Variants in PLBD1 observed in about 807,000 individuals in gnomAD.
PLBD1 encodes the protein lysosomal leucine aminopeptidase.
Under a neutral mutation model 63.0 loss-of-function variants are expected in PLBD1, and 60 were observed. That is an observed-to-expected ratio of 0.95 (90% confidence interval 0.77 to 1.18). The LOEUF is 1.18. Among genes scored for constraint, PLBD1 ranks in the 50% most tolerant of loss-of-function variants. The pLI is 0.00. For missense variants in PLBD1, 598 were observed against 677.9 expected (o/e 0.88, Z 1.31); for synonymous variants, 262 against 248.0 (o/e 1.06, Z -0.53).
At position 14,506,214 on chromosome 12, in the gene PLBD1, C is replaced by T. The variant is rs149722587; in HGVS notation, c.1427G>A (p.Arg476His). 2.4e-5 allele frequency: 38 copies of T among 1,612,954 alleles called. No homozygotes were observed. The highest frequency in any genetic ancestry group is 7.7e-5 in the South Asian group (7 of 90,916). Residue 476 changes from arginine (R) to histidine (H), a missense_variant, in exon 10 of 11, where the codon CGT (arginine) becomes CAT (histidine). Physicochemically the swap from Arg to His is conservative, Grantham distance 29 (BLOSUM62 0). Coordinates refer to ENST00000240617, the MANE Select transcript of PLBD1 (RefSeq NM_024829.6). ...RGDPCNTICCREDLNSPNPSP... is the reference protein window; with the variant it reads ...RGDPCNTICCHEDLNSPNPSP... The stretch of plus-strand genomic sequence containing the variant: ...TGGGTTAGGTGAGTTCAGGTCCTCA[C>T]GGCAGCAGATGGTATTACAGGGGTC...
In PLBD1 at chr12:14,540,753, T is replaced by C. The variant is rs770517061; in HGVS notation, c.558+11A>G. On this transcript the variant is annotated intron_variant, in intron 4 of 10. Coordinates refer to ENST00000240617, the MANE Select transcript of PLBD1 (RefSeq NM_024829.6). ...CTCTATAAATTCTGAGAAGCTTGTTTAAAGTCCTACCTTTGTCCCTTCTAA... is the reference window on the plus strand; with the variant it reads ...CTCTATAAATTCTGAGAAGCTTGTTCAAAGTCCTACCTTTGTCCCTTCTAA... The C allele has an allele frequency of 7.1e-6, 11 of 1,552,978 alleles. No homozygotes were observed. The East Asian group carries it at 2.5e-4, about 35-fold the overall frequency.
chr12:14,517,043 A>C (rs1186422123), intron 6 of PLBD1, among the ~76,000 whole-genome samples: 1 of 151,174 alleles, frequency 6.6e-6, no homozygotes, highest in African/African-American at 2.4e-5. Context: ...CATCTCAAAC[A>C]AAAAAAAAGT....
At chr12:14,559,892 C>T (rs911348868) in intron 1 of PLBD1, among the ~76,000 whole-genome samples, 2 of 149,292 alleles carry the variant, frequency 1.3e-5, no homozygotes, top group African/African-American at 4.9e-5. Flanking sequence ...AGAGTTTTCG[C>T]TCTTATTGCC....
chr12:14,552,275 T>C (rs989073348), intron 2 of PLBD1, among the ~76,000 whole-genome samples: 1 of 152,206 alleles, frequency 6.6e-6, no homozygotes, highest in Non-Finnish European at 1.5e-5. Flanking sequence ...CAACTTTATT[T>C]TCCTTAAAGA....
Position 14,565,021 on chromosome 12 carries a change from T to C in PLBD1, c.115+2561A>G, listed in dbSNP as rs182508627. Among the ~76,000 whole-genome samples the C allele has an allele frequency of 2.1e-3, 326 of 152,324 alleles. 3 individuals are homozygous for C. Among genetic ancestry groups the C allele is most frequent in the African/African-American group, 7.5e-3 (310 of 41,566 alleles). On this transcript the variant is annotated intron_variant, in intron 1 of 10. Coordinates refer to ENST00000240617, the MANE Select transcript of PLBD1 (RefSeq NM_024829.6). The stretch of plus-strand genomic sequence containing the variant: ...TATAAGGACCTTCTAAAATCAATTA[T>C]GGGGCTTTTGGTCTGGAAAGATAAA...
intron 6 of PLBD1, among the ~76,000 whole-genome samples, chr12:14,534,644 C>A (rs927103196): frequency 6.6e-6 from 1 of 151,454 alleles, no homozygotes; most frequent in Non-Finnish European, 1.5e-5. Flanking sequence ...CCCGGGTTCA[C>A]GCCATTCTCT....
In PLBD1 at chr12:14,506,923, T is replaced by C. The variant is rs201174379; in HGVS notation, c.1372+10A>G. The C allele has an allele frequency of 7.5e-6, 12 of 1,605,008 alleles. No homozygotes were observed. Among genetic ancestry groups the C allele is most frequent in the Admixed American group, 6.7e-5 (4 of 59,506 alleles). On this transcript the variant is annotated intron_variant, in intron 9 of 10. Transcript: ENST00000240617. ...TTTGAAGAATGATTCTTGAGAAATATGCTACGTACTGTTGTATCGCATGAT... is the reference window on the plus strand; with the variant it reads ...TTTGAAGAATGATTCTTGAGAAATACGCTACGTACTGTTGTATCGCATGAT...
chr12:14,503,849 G>A lies in PLBD1; in HGVS notation c.1585C>T (p.Leu529=), dbSNP rs141767619. The A allele has an allele frequency of 2.5e-6, 4 of 1,613,868 alleles. No individual in the cohort carries two copies. The highest frequency in any genetic ancestry group is 3.4e-6 in the Non-Finnish European group (4 of 1,179,816). Reference sequence around the variant, plus strand: ...TAGACCTCTGGCATGCCCTGATGTAGAGTTTTGTTGAAACGGTCCCAGCGA... The same window carrying A: ...TAGACCTCTGGCATGCCCTGATGTAAAGTTTTGTTGAAACGGTCCCAGCGA... The part of the protein sequence containing the change: ...VFRWDRFNKT[L]HQGMPEVYNF... The change falls in exon 11 of 11, where the codon CTA becomes TTA. Residue 529 remains leucine, a synonymous_variant. Transcript: ENST00000240617.
At chr12:14,561,019 C>T (rs1408420420) in intron 1 of PLBD1, among the ~76,000 whole-genome samples, 1 of 151,770 alleles carries the variant, frequency 6.6e-6, no homozygotes, top group African/African-American at 2.4e-5. Flanking sequence ...GACTAAGTGG[C>T]TGTGATTTCA....
intron 2 of PLBD1, among the ~76,000 whole-genome samples, chr12:14,552,398 A>G (rs1251475493): frequency 6.6e-6 from 1 of 152,248 alleles, no homozygotes; most frequent in Non-Finnish European, 1.5e-5. Context: ...ACTAGAAGAA[A>G]CATTTATTTT....
At chr12:14,539,617 C>T (rs1945549045) in intron 4 of PLBD1, among the ~76,000 whole-genome samples, 1 of 151,628 alleles carries the variant, frequency 6.6e-6, no homozygotes, top group African/African-American at 2.4e-5. Flanking sequence ...AAAACCTCAT[C>T]TCTACTAAAA....
chr12:14,543,464 A>G (rs554301929), intron 2 of PLBD1, among the ~76,000 whole-genome samples: 1 of 152,306 alleles, frequency 6.6e-6, no homozygotes, highest in Non-Finnish European at 1.5e-5. Context: ...CACACTTGTA[A>G]TCCCAGCATT....
At chr12:14,539,007 C>T (rs1040688673) in intron 4 of PLBD1, among the ~76,000 whole-genome samples, 9 of 151,886 alleles carry the variant, frequency 5.9e-5, no homozygotes, top group Admixed American at 1.3e-4. Flanking sequence ...GGTGATATCG[C>T]GAGGCTCTGT....
chr12:14,516,369 G>C (rs1386101277), intron 6 of PLBD1, among the ~76,000 whole-genome samples: 2 of 151,972 alleles, frequency 1.3e-5, no homozygotes, highest in Non-Finnish European at 2.9e-5. Context: ...AACAAAAAAG[G>C]CTAAGCAAAG....
At chr12:14,540,001 A>G (rs1405318313) in intron 4 of PLBD1, among the ~76,000 whole-genome samples, 3 of 114,356 alleles carry the variant, frequency 2.6e-5, no homozygotes, top group Admixed American at 1.9e-4. Flanking sequence ...AAGTTCAAAG[A>G]AAAGCTATGC....
intron 1 of PLBD1, among the ~76,000 whole-genome samples, chr12:14,563,599 C>G (rs1315651716): frequency 6.6e-6 from 1 of 152,172 alleles, no homozygotes; most frequent in Non-Finnish European, 1.5e-5. Context: ...GACATGATAA[C>G]TTTTTAGAGA....
At chr12:14,544,614 T>G (rs1455705485) in intron 2 of PLBD1, among the ~76,000 whole-genome samples, 1 of 152,110 alleles carries the variant, frequency 6.6e-6, no homozygotes, top group Non-Finnish European at 1.5e-5. Flanking sequence ...CTAATAACAG[T>G]TTTTTCATAA....
intron 4 of PLBD1, among the ~76,000 whole-genome samples, chr12:14,539,744 C>T (rs1048688168): frequency 2.0e-5 from 3 of 151,142 alleles, no homozygotes; most frequent in Non-Finnish European, 4.4e-5. Context: ...CAAGATCATG[C>T]CACTGCACTC....
chr12:14,558,663 C>T (rs1451500290), intron 1 of PLBD1, among the ~76,000 whole-genome samples: 3 of 152,164 alleles, frequency 2.0e-5, no homozygotes, highest in Non-Finnish European at 4.4e-5. Flanking sequence ...AAAACCTTGG[C>T]ATTTCTCATC....
Sources: gnomAD v4.1 joint callset for allele counts (sites outside exome capture counted in the v4.1 genomes callset) on GRCh38, gnomAD v4.1.1 for gene constraint, MANE v1.5 for transcripts, NCBI Gene and HGNC (gene_info 2026-07-23, HGNC 2026-07-21) for gene names.